The following PECR variants were observed in gnomAD, a reference collection of about 807,000 sequenced individuals.
PECR encodes the protein 2,4-dienoyl-CoA reductase-related protein.
A neutral mutation model predicts 35.3 loss-of-function variants in PECR; 30 were observed. The ratio of observed to expected loss-of-function variants is 0.85; its 90% CI spans 0.64 to 1.15. The LOEUF (loss-of-function observed/expected upper bound fraction) is 1.15. PECR is among the 50% of genes most tolerant of loss of function. The pLI is 0.00. For synonymous variants in PECR, 148 were observed against 138.9 expected (o/e 1.07, Z -0.46); for missense variants, 392 against 370.8 (o/e 1.06, Z -0.47).
intron 6 of PECR, 79 bp downstream of exon 6, chr2:216,049,184 C>A: frequency 1.3e-6 from 1 of 794,454 alleles, no homozygotes; most frequent in East Asian, 2.4e-5. Context: ...TCGTCCAGAC[C>A]GCATAAAAAT....
intron 4 of PECR, among the ~76,000 whole-genome samples, chr2:216,054,076 G>A (rs1293086511): frequency 3.9e-5 from 6 of 152,014 alleles, no homozygotes; most frequent in Admixed American, 3.9e-4. Context: ...CATGAGGTCA[G>A]GAGTTCGAGA....
intron 3 of PECR, among the ~76,000 whole-genome samples, chr2:216,060,156 CAT>C (rs1274701765): frequency 1.3e-4 from 20 of 152,024 alleles, no homozygotes; most frequent in African/African-American, 3.6e-4. Context: ...TGCTTGAAAA[CAT>C]ATATGAAAAA....
At chr2:216,057,960 C>T (rs1695261153) in intron 4 of PECR, 1 of 152,158 alleles carries the variant, frequency 6.6e-6, no homozygotes, top group Non-Finnish European at 1.5e-5. Context: ...TGACCTGTAA[C>T]TCTTGCTAGT....
At chr2:216,054,512 T>G (rs1695186949) in intron 4 of PECR, among the ~76,000 whole-genome samples, 1 of 151,430 alleles carries the variant, frequency 6.6e-6, no homozygotes, top group African/African-American at 2.4e-5. Flanking sequence ...AATTTTGTAT[T>G]TTTAGTAGAG....
chr2:216,074,790 C>T (rs896359969), intron 1 of PECR, among the ~76,000 whole-genome samples: 8 of 152,246 alleles, frequency 5.3e-5, no homozygotes, highest in African/African-American at 1.4e-4. Context: ...TTTACTTTCA[C>T]TGCTAGAACT....
intron 1 of PECR, among the ~76,000 whole-genome samples, chr2:216,074,559 A>G (rs557420202): frequency 6.6e-6 from 1 of 150,630 alleles, no homozygotes; most frequent in African/African-American, 2.4e-5. Flanking sequence ...GAAGGAAGGA[A>G]GAGAGAGAGA....
intron 4 of PECR, among the ~76,000 whole-genome samples, chr2:216,055,547 C>T (rs755638033): frequency 2.6e-5 from 4 of 151,482 alleles, no homozygotes; most frequent in East Asian, 1.9e-4. Flanking sequence ...AGATAATGCT[C>T]CCCCAAACTA....
intron 7 of PECR, among the ~76,000 whole-genome samples, chr2:216,041,531 T>C (rs1039578321): frequency 1.3e-5 from 2 of 152,198 alleles, no homozygotes; most frequent in Non-Finnish European, 2.9e-5. Flanking sequence ...TTGTGAAACA[T>C]ATATTTGGTC....
intron 7 of PECR, among the ~76,000 whole-genome samples, chr2:216,041,983 T>A (rs1176167761): frequency 6.6e-6 from 1 of 152,214 alleles, no homozygotes; most frequent in Admixed American, 6.5e-5. Flanking sequence ...CATAAACCAG[T>A]AAATCGAAGT....
chr2:216,050,311 A>T (rs148018249), intron 5 of PECR, among the ~76,000 whole-genome samples: 343 of 152,376 alleles, frequency 2.3e-3, no homozygotes, highest in Non-Finnish European at 4.0e-3. Flanking sequence ...GGGCGGAAAG[A>T]GAAGTTAAAA....
At chr2:216,078,873 C>A (rs541645633) in intron 1 of PECR, among the ~76,000 whole-genome samples, 2 of 150,932 alleles carry the variant, frequency 1.3e-5, no homozygotes, top group Middle Eastern at 3.4e-3. Flanking sequence ...GATGAAAGTT[C>A]AAATAGCACA....
At chr2:216,077,461 C>G (rs993448798) in intron 1 of PECR, among the ~76,000 whole-genome samples, 1 of 150,458 alleles carries the variant, frequency 6.6e-6, no homozygotes, top group Non-Finnish European at 1.5e-5. Flanking sequence ...GAGCCAAGAT[C>G]GCGCCACCGC....
At position 216,039,915 on chromosome 2, in the gene PECR, A is replaced by T. The variant is rs565999736; in HGVS notation, c.827-555T>A. On this transcript the variant is annotated intron_variant, in intron 7 of 7. Transcript: ENST00000265322. The stretch of plus-strand genomic sequence containing the variant: ...TTATTGGTTGGAAATGGACATTTGC[A>T]TAAGTTGATCGAATATAGAGTGGAT... Among the ~76,000 whole-genome samples, 14 of 152,356 alleles carry T rather than the reference A, an allele frequency of 9.2e-5. No individual in the cohort carries two copies. In the South Asian group the frequency reaches 2.9e-3, roughly 32 times the overall value.
intron 4 of PECR, among the ~76,000 whole-genome samples, chr2:216,055,739 C>G (rs1435526834): frequency 6.6e-6 from 1 of 152,136 alleles, no homozygotes; most frequent in African/African-American, 2.4e-5. Flanking sequence ...GCCACAGGCT[C>G]TAGTGTAGGA....
At position 216,045,373 on chromosome 2, in the gene PECR, C is replaced by T. The variant is rs145557788; in HGVS notation, c.715-1358G>A. Among the ~76,000 whole-genome samples, 567 of 152,314 alleles carry T rather than the reference C, an allele frequency of 3.7e-3. 3 individuals are homozygous for T. Among genetic ancestry groups the T allele is most frequent in the African/African-American group, 0.013 (545 of 41,566 alleles). On this transcript the variant is annotated intron_variant, in intron 6 of 7. Transcript: ENST00000265322. The stretch of plus-strand genomic sequence containing the variant: ...ACGTGCTGTAAGTATAGAACACACA[C>T]TGGATTTTGAAGACTGAGTATGGGA...
At chr2:216,070,385 T>C (rs1179464127) in intron 1 of PECR, among the ~76,000 whole-genome samples, 1 of 152,224 alleles carries the variant, frequency 6.6e-6, no homozygotes, top group Non-Finnish European at 1.5e-5. Flanking sequence ...TGCTGTGCAA[T>C]AGATCATCAG....
At chr2:216,051,362 C>T (rs1188486906) in intron 5 of PECR, 87 bp downstream of exon 5, 3 of 802,904 alleles carry the variant, frequency 3.7e-6, no homozygotes, top group Non-Finnish European at 4.5e-6. Context: ...GCTATACTTG[C>T]TTATTACCAA....
chr2:216,042,963 A>G (rs1694914287), intron 7 of PECR, among the ~76,000 whole-genome samples: 1 of 101,356 alleles, frequency 9.9e-6, no homozygotes, highest in African/African-American at 3.7e-5. Context: ...ATATATATAT[A>G]CACATACGTA....
At chr2:216,030,981 C>G (rs999665229) in intron 7 of PECR, among the ~76,000 whole-genome samples, 1 of 151,886 alleles carries the variant, frequency 6.6e-6, no homozygotes, top group Non-Finnish European at 1.5e-5. Context: ...CACACACACA[C>G]ACACACACAC....
Sources: allele counts gnomAD v4.1 joint callset (sites outside exome capture counted in the v4.1 genomes callset), GRCh38; gene constraint gnomAD v4.1.1; transcripts MANE v1.5; gene names NCBI Gene and HGNC (gene_info 2026-07-23, HGNC 2026-07-21).